SCNN1B: variants seen among roughly 807,000 people sequenced by gnomAD.
SCNN1B encodes the protein epithelial sodium channel subunit beta.
Under a neutral mutation model 65.3 loss-of-function variants are expected in SCNN1B, and 46 were observed. The ratio of observed to expected loss-of-function variants is 0.70; its 90% CI spans 0.56 to 0.90. The LOEUF (loss-of-function observed/expected upper bound fraction) is 0.90, where lower values mean the gene tolerates loss of function less well. Among genes scored for constraint, SCNN1B ranks in the 40% least tolerant of loss-of-function variants. The probability of loss-of-function intolerance (pLI) is 0.00; values close to 1 mark genes in which losing one functional copy is unlikely to be tolerated. For synonymous variants in SCNN1B, 349 were observed against 330.6 expected, an observed-to-expected ratio of 1.06 and a Z score of -0.60; for missense variants, 751 against 830.5, an observed-to-expected ratio of 0.90 and a Z score of 1.18.
At chr16:23,368,020 G>T in intron 5 of SCNN1B, 61 bp downstream of exon 5, 2 of 1,267,584 alleles carry the variant, frequency 1.6e-6, no homozygotes, top group South Asian at 1.2e-5. Context: ...CACAATGTGG[G>T]ACTGAAAGAC....
rs78415284 is a variant in SCNN1B, at chr16:23,356,052, T to C, written c.776+563T>C. Among the ~76,000 whole-genome samples the C allele has an allele frequency of 7.6e-3, 1,160 of 152,088 alleles. 15 individuals are homozygous for C. The highest frequency in any genetic ancestry group is 0.027 in the African/African-American group (1,121 of 41,500). On this transcript the variant is annotated intron_variant, in intron 4 of 12. Coordinates refer to ENST00000343070, the MANE Select transcript of SCNN1B (RefSeq NM_000336.3). ...ATCTGGAGCATAAACTGAACCAGAG[T>C]GGTCCTCCCTTGAAGGAGGGGACCA...
At chr16:23,279,154 G>A (rs1960749604) in intron 1 of SCNN1B, among the ~76,000 whole-genome samples, 1 of 151,938 alleles carries the variant, frequency 6.6e-6, no homozygotes, top group Non-Finnish European at 1.5e-5. Flanking sequence ...TTGGCTCACT[G>A]CAACCTCTGC....
chr16:23,345,928 C>T (rs1446093361), intron 1 of SCNN1B, among the ~76,000 whole-genome samples: 1 of 152,096 alleles, frequency 6.6e-6, no homozygotes, highest in Non-Finnish European at 1.5e-5. Context: ...AACTGGAGCT[C>T]CAGGAATAGA....
Position 23,371,398 on chromosome 16 carries a change from C to A in SCNN1B, c.980C>A (p.Pro327His). The change falls in exon 6 of 13, where the codon CCC becomes CAC. Residue 327 changes from proline (P) to histidine (H), a missense_variant. Physicochemically the swap from Pro to His is moderately conservative, Grantham distance 77. Coordinates refer to ENST00000343070, the MANE Select transcript of SCNN1B (RefSeq NM_000336.3). ...RLMLHEQRSY[P>H]FIRDEGIYAM... ...ATGCTTCACGAGCAGAGGTCATACC[C>A]CTTCATCAGAGATGAGGGCATCTAC... 6.2e-7 allele frequency: 1 copy of A among 1,614,132 alleles called. No individual in the cohort carries two copies. The highest frequency in any genetic ancestry group is 8.5e-7 in the Non-Finnish European group (1 of 1,180,020).
At chr16:23,370,836 A>G (rs1176028987) in intron 5 of SCNN1B, among the ~76,000 whole-genome samples, 1 of 152,160 alleles carries the variant, frequency 6.6e-6, no homozygotes, top group Non-Finnish European at 1.5e-5. Flanking sequence ...ACAGAATTCC[A>G]GAGCAAGGAA....
intron 2 of SCNN1B, among the ~76,000 whole-genome samples, chr16:23,287,137 T>C (rs1960862298): frequency 6.6e-6 from 1 of 151,682 alleles, no homozygotes; most frequent in African/African-American, 2.4e-5. Flanking sequence ...CCCAAGTAGC[T>C]GGAATTACAG....
chr16:23,298,547 C>G (rs35127878), upstream of SCNN1B, among the ~76,000 whole-genome samples: 2 of 152,102 alleles, frequency 1.3e-5, no homozygotes, highest in Non-Finnish European at 2.9e-5. Context: ...GGCCTTGTTT[C>G]ATGGAGAGGT....
At chr16:23,333,604 A>G (rs1174000825) in intron 1 of SCNN1B, among the ~76,000 whole-genome samples, 4 of 152,228 alleles carry the variant, frequency 2.6e-5, no homozygotes, top group African/African-American at 9.6e-5. Context: ...ACTGCTTCCC[A>G]TGCCTTATCT....
At chr16:23,357,537 C>G (rs57406669) in intron 4 of SCNN1B, among the ~76,000 whole-genome samples, 34,278 of 152,164 alleles carry the variant, frequency 0.23, 4,496 homozygotes, top group African/African-American at 0.36. Flanking sequence ...GAGCAGAGAT[C>G]GCGCCACTAC....
At chr16:23,354,866 C>T (rs541504406) in intron 3 of SCNN1B, among the ~76,000 whole-genome samples, 17 of 152,100 alleles carry the variant, frequency 1.1e-4, no homozygotes, top group Non-Finnish European at 1.9e-4. Context: ...CACACATGAC[C>T]GTGTGTGTGT....
intron 1 of SCNN1B, among the ~76,000 whole-genome samples, chr16:23,343,467 AAAGAAAG>A (rs1567304109): frequency 1.7e-5 from 2 of 120,014 alleles, no homozygotes; most frequent in African/African-American, 8.6e-5. Flanking sequence ...AAAAAAAGGA[AAAGAAAG>A]AAAGGAAGGA....
chr16:23,343,581 GAGAAAGAAAGAAAGAAAGAAAGAAAGAA>G lies in SCNN1B; in HGVS notation c.-8-4969_-8-4942del, dbSNP rs200738425. On this transcript the variant is annotated intron_variant, in intron 1 of 12. Coordinates refer to ENST00000343070, the MANE Select transcript of SCNN1B (RefSeq NM_000336.3). Reference sequence around the variant, plus strand: ...GAAGGAAAAAAGAAAGAAAGAAAAAGAGAAAGAAAGAAAGAAAGAAAGAAAGAAAGAAAGAAAGAAAGAAAGAAAGAAA... The same window carrying G: ...GAAGGAAAAAAGAAAGAAAGAAAAAGAGAAAGAAAGAAAGAAAGAAAGAAA... Among the ~76,000 whole-genome samples, 447 of 70,388 alleles carry G rather than the reference GAGAAAGAAAGAAAGAAAGAAAGAAAGAA, an allele frequency of 6.4e-3. 3 individuals are homozygous for G. Among genetic ancestry groups the G allele is most frequent in the South Asian group, 0.018 (35 of 1,994 alleles). 46.2% of individuals were successfully genotyped at this position (70,388 alleles called of 152,430 possible).
intron 4 of SCNN1B, among the ~76,000 whole-genome samples, chr16:23,363,717 G>A (rs780633943): frequency 3.9e-5 from 6 of 152,082 alleles, no homozygotes; most frequent in Non-Finnish European, 5.9e-5. Flanking sequence ...AGGAGGCTGA[G>A]GCAGGAGAAT....
At chr16:23,334,347 G>T (rs1271113044) in intron 1 of SCNN1B, among the ~76,000 whole-genome samples, 1 of 152,212 alleles carries the variant, frequency 6.6e-6, no homozygotes. Flanking sequence ...GAGTGATAAA[G>T]TGTTTCTAAA....
chr16:23,351,461 C>G (rs1357072874), intron 2 of SCNN1B, among the ~76,000 whole-genome samples: 1 of 152,190 alleles, frequency 6.6e-6, no homozygotes, highest in African/African-American at 2.4e-5. Context: ...ATAACACCAC[C>G]ACCTGCACAG....
Position 23,365,557 on chromosome 16 carries a change from GAGAAAGAAAGAA to G in SCNN1B, c.777-2279_777-2268del, listed in dbSNP as rs71379673. On this transcript the variant is annotated intron_variant, in intron 4 of 12. Coordinates refer to ENST00000343070, the MANE Select transcript of SCNN1B (RefSeq NM_000336.3). ...AGAGAAGGAAAGAGAAAGAAGGAAA[GAGAAAGAAAGAA>G]AGAAAGAAAGAAAGAAAGAGAAAGA... Among the ~76,000 whole-genome samples the G allele has an allele frequency of 3.6e-3, 336 of 92,428 alleles. 6 individuals are homozygous for G. Among genetic ancestry groups the G allele is most frequent in the African/African-American group, 0.018 (308 of 16,834 alleles). The allele number at this position is 92,428 out of a possible 152,430, so 60.6% of individuals were successfully genotyped here. A position where few individuals can be genotyped will look rare whatever the true frequency, so the allele number is the denominator to read the frequency against.
chr16:23,371,104 G>C (rs1962773013), intron 5 of SCNN1B, among the ~76,000 whole-genome samples, 195 bp from the exon 6 acceptor site: 1 of 152,234 alleles, frequency 6.6e-6, no homozygotes, highest in African/African-American at 2.4e-5. Context: ...CTACGTAAGA[G>C]CCTGCCTTAG....
chr16:23,290,887 A>G (rs943145250), intron 2 of SCNN1B, among the ~76,000 whole-genome samples: 9 of 152,150 alleles, frequency 5.9e-5, no homozygotes, highest in African/African-American at 2.2e-4. Flanking sequence ...CTCATTAAGC[A>G]TACAATTGTC....
intron 2 of SCNN1B, among the ~76,000 whole-genome samples, chr16:23,292,094 C>A (rs901402319): frequency 6.6e-6 from 1 of 151,946 alleles, no homozygotes; most frequent in Non-Finnish European, 1.5e-5. Context: ...CGGCTTTCAC[C>A]CTGCCCCCTG....
Sources: gnomAD v4.1 joint callset for allele counts (sites outside exome capture counted in the v4.1 genomes callset) on GRCh38, gnomAD v4.1.1 for gene constraint, MANE v1.5 for transcripts, NCBI Gene and HGNC (gene_info 2026-07-23, HGNC 2026-07-21) for gene names.